The following CFAP299 variants were observed in gnomAD, a reference collection of about 807,000 sequenced individuals.
The protein encoded by CFAP299 is cilia- and flagella-associated protein 299.
In CFAP299, 21 loss-of-function variants were observed where a neutral mutation model predicts 27.0. The ratio of observed to expected loss-of-function variants is 0.78; its 90% CI spans 0.55 to 1.12. The LOEUF (loss-of-function observed/expected upper bound fraction) is 1.12, where lower values mean the gene tolerates loss of function less well. Among genes scored for constraint, CFAP299 ranks in the 50% most tolerant of loss-of-function variants. The pLI, the probability that CFAP299 is intolerant of heterozygous loss-of-function variation, is 0.00. For missense variants in CFAP299, 310 were observed against 276.6 expected, an observed-to-expected ratio of 1.12 and a Z score of -0.86; for synonymous variants, 104 against 98.1, an observed-to-expected ratio of 1.06 and a Z score of -0.36.
At chr4:80,933,561 AATAC>A (rs1177947450) in intron 4 of CFAP299, among the ~76,000 whole-genome samples, 1 of 152,126 alleles carries the variant, frequency 6.6e-6, no homozygotes, top group Non-Finnish European at 1.5e-5. Context: ...TAATTATTCA[AATAC>A]ATAAACATAA....
intron 3 of CFAP299, among the ~76,000 whole-genome samples, chr4:80,712,725 G>C (rs1451620233): frequency 6.6e-6 from 1 of 152,090 alleles, no homozygotes; most frequent in African/African-American, 2.4e-5. Context: ...TTCGATAATA[G>C]CTGGATTAAT....
At chr4:80,722,047 G>C (rs1288047970) in intron 3 of CFAP299, among the ~76,000 whole-genome samples, 1 of 152,166 alleles carries the variant, frequency 6.6e-6, no homozygotes, top group Non-Finnish European at 1.5e-5. Context: ...TTGGTAAACA[G>C]AAAGACTTTT....
chr4:80,950,779 G>A (rs1737737745), intron 5 of CFAP299, among the ~76,000 whole-genome samples: 1 of 152,142 alleles, frequency 6.6e-6, no homozygotes, highest in Non-Finnish European at 1.5e-5. Context: ...CTGAGTGGAA[G>A]GCTTAGGCAT....
rs560408816 is a variant in CFAP299, at chr4:80,462,240, CTCT to C, written c.242+99361_242+99363del. The stretch of plus-strand genomic sequence containing the variant: ...CCCCTTAGTATATAGTCAGTCAATT[CTCT>C]TCTTATTAAAAAATAAATGAAGTAA... On this transcript the variant is annotated intron_variant, in intron 2 of 5. Transcript: ENST00000358105. Among the ~76,000 whole-genome samples the C allele has an allele frequency of 3.0e-3, 457 of 152,292 alleles. 3 individuals are homozygous for C. Among genetic ancestry groups the C allele is most frequent in the African/African-American group, 0.011 (440 of 41,554 alleles).
chr4:80,670,394 G>A (rs1255371219), intron 3 of CFAP299, among the ~76,000 whole-genome samples: 1 of 152,154 alleles, frequency 6.6e-6, no homozygotes. Flanking sequence ...ATCATTGATG[G>A]ACATTTGGGT....
chr4:80,565,098 T>C (rs1735217941), intron 2 of CFAP299, among the ~76,000 whole-genome samples: 1 of 151,992 alleles, frequency 6.6e-6, no homozygotes, highest in African/African-American at 2.4e-5. Context: ...CACAATAAAA[T>C]GTTTATGTAC....
chr4:80,842,744 G>A (rs1382572793), intron 3 of CFAP299, among the ~76,000 whole-genome samples: 1 of 152,064 alleles, frequency 6.6e-6, no homozygotes, highest in African/African-American at 2.4e-5. Context: ...ATTAGGCTAT[G>A]ACACCAGAGA....
chr4:80,573,006 C>A (rs941281310), intron 2 of CFAP299, among the ~76,000 whole-genome samples: 3 of 152,118 alleles, frequency 2.0e-5, no homozygotes, highest in African/African-American at 7.2e-5. Context: ...ATTGCTGGTT[C>A]ACATGATACC....
chr4:80,776,772 AAAG>A (rs1171238063), intron 3 of CFAP299, among the ~76,000 whole-genome samples: 1 of 152,010 alleles, frequency 6.6e-6, no homozygotes, highest in Non-Finnish European at 1.5e-5. Context: ...ATAAAGCAAA[AAAG>A]AATCATTACA....
intron 2 of CFAP299, among the ~76,000 whole-genome samples, chr4:80,563,692 A>G (rs1203310660): frequency 1.3e-5 from 2 of 152,068 alleles, no homozygotes; most frequent in Non-Finnish European, 2.9e-5. Context: ...AAGGAATAAT[A>G]AAGATCAGAG....
intron 3 of CFAP299, among the ~76,000 whole-genome samples, chr4:80,727,548 T>C (rs1023577911): frequency 1.1e-4 from 17 of 152,068 alleles, no homozygotes; most frequent in Non-Finnish European, 2.4e-4. Context: ...ACCACTGTCT[T>C]GTGGAGCCAT....
chr4:80,407,385 T>A (rs893828616), intron 2 of CFAP299, among the ~76,000 whole-genome samples: 1 of 152,198 alleles, frequency 6.6e-6, no homozygotes, highest in African/African-American at 2.4e-5. Flanking sequence ...TGATCTTGGC[T>A]GGACTTATTC....
intron 3 of CFAP299, among the ~76,000 whole-genome samples, chr4:80,844,580 C>T (rs189623276): frequency 0.036 from 5,422 of 152,090 alleles, 201 homozygotes; most frequent in African/African-American, 0.099. Context: ...TCATATCCTT[C>T]GCCCACTTTT....
At chr4:80,510,175 T>C (rs1025646236) in intron 2 of CFAP299, among the ~76,000 whole-genome samples, 1 of 152,174 alleles carries the variant, frequency 6.6e-6, no homozygotes, top group East Asian at 1.9e-4. Context: ...TCTTTGTTAT[T>C]ATGCTTTTTA....
At chr4:80,712,253 C>T (rs1309677585) in intron 3 of CFAP299, among the ~76,000 whole-genome samples, 1 of 152,136 alleles carries the variant, frequency 6.6e-6, no homozygotes, top group Non-Finnish European at 1.5e-5. Flanking sequence ...AGCATCTGCT[C>T]CTTAAATACC....
intron 3 of CFAP299, among the ~76,000 whole-genome samples, chr4:80,757,893 C>T (rs1210187893): frequency 6.6e-6 from 1 of 152,126 alleles, no homozygotes; most frequent in Admixed American, 6.5e-5. Flanking sequence ...CTGGAACCTG[C>T]TGTGTTCTAC....
At chr4:80,745,835 T>C (rs748507086) in intron 3 of CFAP299, among the ~76,000 whole-genome samples, 1 of 152,094 alleles carries the variant, frequency 6.6e-6, no homozygotes, top group Non-Finnish European at 1.5e-5. Flanking sequence ...TCTCAGACTT[T>C]CCTTGCTTTT....
chr4:80,518,526 A>T (rs1052316695), intron 2 of CFAP299, among the ~76,000 whole-genome samples: 4 of 152,238 alleles, frequency 2.6e-5, no homozygotes, highest in African/African-American at 9.6e-5. Context: ...AAAGGTGCTC[A>T]GAATGCAGGT....
chr4:80,720,867 A>G (rs1022254364), intron 3 of CFAP299, among the ~76,000 whole-genome samples: 3 of 152,180 alleles, frequency 2.0e-5, no homozygotes, highest in Admixed American at 6.5e-5. Flanking sequence ...TATATTCCAT[A>G]TTCAAAAAAT....
Sources: allele counts gnomAD v4.1 joint callset (sites outside exome capture counted in the v4.1 genomes callset), GRCh38; gene constraint gnomAD v4.1.1; transcripts MANE v1.5; gene names NCBI Gene and HGNC (gene_info 2026-07-23, HGNC 2026-07-21).